ADAM32: variants seen among roughly 807,000 people sequenced by gnomAD.
ADAM32 encodes the protein disintegrin and metalloproteinase domain-containing protein 32.
ADAM32 carries 89 observed loss-of-function variants against 114.9 expected under a neutral mutation model. That is an observed-to-expected ratio of 0.77 (90% CI 0.65 to 0.92). The LOEUF (loss-of-function observed/expected upper bound fraction) is 0.92, where lower values mean the gene tolerates loss of function less well. Ranked by LOEUF, ADAM32 falls within the 40% of genes least tolerant of loss-of-function variation. The pLI is 0.00. For synonymous variants in ADAM32, 285 were observed against 307.5 expected (o/e 0.93, Z 0.77); for missense variants, 870 against 932.8 (o/e 0.93, Z 0.88).
intron 22 of ADAM32, 36 bp from the exon 23 acceptor site, chr8:39,281,100 G>A: frequency 9.2e-7 from 1 of 1,086,054 alleles, no homozygotes; most frequent in Non-Finnish European, 1.2e-6. Flanking sequence ...TTTAATAATA[G>A]ATATTTAATA....
intron 6 of ADAM32, among the ~76,000 whole-genome samples, chr8:39,156,229 C>G (rs1804141450): frequency 6.6e-6 from 1 of 152,038 alleles, no homozygotes; most frequent in South Asian, 2.1e-4. Flanking sequence ...CTTACTGCAT[C>G]CTTTACCTCC....
chr8:39,197,249 C>T (rs949025295), intron 11 of ADAM32, among the ~76,000 whole-genome samples: 6 of 151,820 alleles, frequency 4.0e-5, no homozygotes, highest in Admixed American at 1.3e-4. Context: ...GTCTAGATAT[C>T]TGTGTATCAA....
chr8:39,250,918 CATGTG>C (rs1263768568), intron 17 of ADAM32, among the ~76,000 whole-genome samples: 1 of 151,930 alleles, frequency 6.6e-6, no homozygotes, highest in Admixed American at 6.6e-5. Flanking sequence ...AGAGTGAGAA[CATGTG>C]ATATTTATCT....
intron 14 of ADAM32, among the ~76,000 whole-genome samples, chr8:39,226,040 T>C (rs1251913539): frequency 1.3e-5 from 2 of 152,018 alleles, no homozygotes; most frequent in Non-Finnish European, 2.9e-5. Flanking sequence ...AGAAACAACA[T>C]ACATTTTTAT....
At chr8:39,201,265 G>A (rs1349444260) in intron 11 of ADAM32, among the ~76,000 whole-genome samples, 1 of 152,150 alleles carries the variant, frequency 6.6e-6, no homozygotes, top group African/African-American at 2.4e-5. Flanking sequence ...AGCATGGAAT[G>A]TTCTTCCATT....
At chr8:39,124,177 C>G (rs1284688351) in intron 2 of ADAM32, among the ~76,000 whole-genome samples, 1 of 152,024 alleles carries the variant, frequency 6.6e-6, no homozygotes, top group Non-Finnish European at 1.5e-5. Context: ...TGCTCTCCCT[C>G]CCCCAGCTCT....
At chr8:39,267,860 A>T (rs1812464934) in intron 19 of ADAM32, among the ~76,000 whole-genome samples, 1 of 152,174 alleles carries the variant, frequency 6.6e-6, no homozygotes, top group Non-Finnish European at 1.5e-5. Flanking sequence ...AGCCATTGCA[A>T]TGGGAAAGGT....
At chr8:39,197,799 A>T (rs1807107814) in intron 11 of ADAM32, among the ~76,000 whole-genome samples, 1 of 152,156 alleles carries the variant, frequency 6.6e-6, no homozygotes, top group Admixed American at 6.5e-5. Context: ...CAGCTATTAG[A>T]TGAAATCTTC....
At chr8:39,149,209 T>C (rs992687529) in intron 4 of ADAM32, among the ~76,000 whole-genome samples, 2 of 152,192 alleles carry the variant, frequency 1.3e-5, no homozygotes, top group Non-Finnish European at 2.9e-5. Flanking sequence ...TGTGACTTTA[T>C]ATATTTTGAA....
chr8:39,270,786 T>G lies in ADAM32; in HGVS notation c.2163-90T>G. The G allele has an allele frequency of 3.1e-6, 3 of 969,786 alleles. No homozygotes were observed. In the South Asian group the frequency reaches 4.4e-5, roughly 14 times the overall value. 60.1% of individuals were successfully genotyped at this position (969,786 alleles called of 1,614,324 possible). On this transcript the variant is annotated intron_variant, in intron 19 of 24. Transcript: ENST00000379907. ...TTTAATAATTAGTCTTATAAGGAGA[T>G]AATACTGATTATAAAATGGACTGAT...
intron 11 of ADAM32, among the ~76,000 whole-genome samples, chr8:39,187,422 C>T (rs1806317575): frequency 6.6e-6 from 1 of 152,156 alleles, no homozygotes. Context: ...CAGGCACCCG[C>T]CACCGTGCCC....
intron 19 of ADAM32, among the ~76,000 whole-genome samples, chr8:39,269,327 G>A (rs1004992099): frequency 1.3e-5 from 2 of 152,154 alleles, no homozygotes; most frequent in Non-Finnish European, 2.9e-5. Flanking sequence ...TCGCTGTACT[G>A]CACTGTCTAG....
chr8:39,149,171 A>C (rs1803677197), intron 4 of ADAM32, among the ~76,000 whole-genome samples: 1 of 152,144 alleles, frequency 6.6e-6, no homozygotes, highest in East Asian at 1.9e-4. Context: ...ATAACTGTAG[A>C]TTTTTTAATT....
chr8:39,213,165 A>G (rs1175423368), intron 12 of ADAM32, among the ~76,000 whole-genome samples: 10 of 152,072 alleles, frequency 6.6e-5, no homozygotes, highest in African/African-American at 2.4e-4. Context: ...TTTTTTGTGG[A>G]GAAAACATTT....
intron 12 of ADAM32, among the ~76,000 whole-genome samples, chr8:39,215,959 T>A (rs1808532887): frequency 6.6e-6 from 1 of 151,982 alleles, no homozygotes; most frequent in Non-Finnish European, 1.5e-5. Flanking sequence ...TTTTATTGAT[T>A]TTCTGTCTGG....
At position 39,165,105 on chromosome 8, in the gene ADAM32, G is replaced by A; in HGVS notation, c.742G>A (p.Val248Ile). ...GTCAGATGAAAATAAGATTTCTACA[G>A]TTGGTGAGGCAGATGAATTATTGCA... ...LWSDENKIST[V>I]GEADELLQKF... Residue 248 changes from valine (V) to isoleucine (I), a missense_variant, in exon 9 of 25, where the codon GTT (valine) becomes ATT (isoleucine). Transcript: ENST00000379907. 6.2e-7 allele frequency: 1 copy of A among 1,609,600 alleles called. No individual in the cohort carries two copies. Among genetic ancestry groups the A allele is most frequent in the Non-Finnish European group, 8.5e-7 (1 of 1,177,094 alleles).
intron 11 of ADAM32, among the ~76,000 whole-genome samples, chr8:39,204,109 C>T (rs1329783873): frequency 6.6e-6 from 1 of 152,076 alleles, no homozygotes; most frequent in Admixed American, 6.5e-5. Flanking sequence ...AATTATGTGT[C>T]TTGGAGTTGC....
chr8:39,114,712 A>AT (rs1194827660), intron 1 of ADAM32, among the ~76,000 whole-genome samples: 2 of 151,840 alleles, frequency 1.3e-5, no homozygotes, highest in Non-Finnish European at 2.9e-5. Context: ...GTTTTATTTT[A>AT]TTTTTTCTTC....
At chr8:39,157,581 C>A in intron 6 of ADAM32, 1 of 535,984 alleles carries the variant, frequency 1.9e-6, no homozygotes, top group South Asian at 1.5e-5. Context: ...CTTGAGTGGT[C>A]CCATGAATGC....
Sources: allele counts gnomAD v4.1 joint callset (sites outside exome capture counted in the v4.1 genomes callset), GRCh38; gene constraint gnomAD v4.1.1; transcripts MANE v1.5; gene names NCBI Gene and HGNC (gene_info 2026-07-23, HGNC 2026-07-21).